PRPSAP1: variants seen among roughly 807,000 people sequenced by gnomAD.
The protein encoded by PRPSAP1 is phosphoribosyl pyrophosphate synthase-associated protein 1.
PRPSAP1 carries 31 observed loss-of-function variants against 39.4 expected under a neutral mutation model. The ratio of observed to expected loss-of-function variants is 0.79; its 90% CI spans 0.59 to 1.06. PRPSAP1 has a LOEUF of 1.06. Ranked by LOEUF, PRPSAP1 falls within the 50% of genes least tolerant of loss-of-function variation. PRPSAP1 has a pLI of 0.00. For synonymous variants in PRPSAP1, 212 were observed against 192.6 expected, an observed-to-expected ratio of 1.10 and a Z score of -0.83; for missense variants, 430 against 511.6, an observed-to-expected ratio of 0.84 and a Z score of 1.54.
rs143666660 is a variant in PRPSAP1 at position 76,325,535 on chromosome 17, C to T, written c.781+3182G>A. Among the ~76,000 whole-genome samples the T allele has an allele frequency of 2.3e-3, 344 of 150,790 alleles. 4 individuals carry two copies. The highest frequency in any genetic ancestry group is 6.8e-3 in the Admixed American group (102 of 15,016). On this transcript the variant is annotated intron_variant, in intron 7 of 9. Coordinates refer to ENST00000446526, the MANE Select transcript of PRPSAP1 (RefSeq NM_002766.3). ...TTCAACAACCACCACCCTGATCAGT[C>T]AGCAGCCATCAACATCGAGGCAAGA...
In PRPSAP1 at chr17:76,347,484, CAAAAAAAAAAA is replaced by C. The variant is rs71161289; in HGVS notation, c.223+1034_223+1044del. Reference sequence around the variant, plus strand: ...CCTGGGTGACAGAGCAAGACTCCGTCAAAAAAAAAAAAAAAAAAAAAAAAAAAAGAAAGCAG... The same window carrying C: ...CCTGGGTGACAGAGCAAGACTCCGTCAAAAAAAAAAAAAAAAAGAAAGCAG... On this transcript the variant is annotated intron_variant, in intron 2 of 9. Coordinates refer to ENST00000446526, the MANE Select transcript of PRPSAP1 (RefSeq NM_002766.3). Among the ~76,000 whole-genome samples, 13 of 25,222 alleles carry C rather than the reference CAAAAAAAAAAA, an allele frequency of 5.2e-4. No homozygotes were observed. In the South Asian group the frequency reaches 6.9e-3, roughly 13 times the overall value. The allele number at this position is 25,222 out of a possible 152,430, so 16.5% of individuals were successfully genotyped here.
At chr17:76,323,007 T>C (rs2143476814) in intron 7 of PRPSAP1, among the ~76,000 whole-genome samples, 1 of 151,640 alleles carries the variant, frequency 6.6e-6, no homozygotes, top group East Asian at 1.9e-4. Context: ...TACTCCAGCC[T>C]GGACAGCAGA....
intron 4 of PRPSAP1, among the ~76,000 whole-genome samples, chr17:76,331,763 T>C (rs2071324313): frequency 6.6e-6 from 1 of 152,114 alleles, no homozygotes; most frequent in East Asian, 1.9e-4. Flanking sequence ...AGAAACCCAA[T>C]TGTAAAATAT....
rs569043215 is a variant in PRPSAP1, at chr17:76,352,089, G to GA, written c.170+1444dup. ...ATTAAAAAAAAAAACAAGCAGAGCT[G>GA]AAAAAAAAATGACTAAAGTTTTCCC... On this transcript the variant is annotated intron_variant, in intron 1 of 9. Transcript: ENST00000446526. Among the ~76,000 whole-genome samples, 260 of 148,484 alleles carry GA rather than the reference G, an allele frequency of 1.8e-3. 1 individual carries two copies. The highest frequency in any genetic ancestry group is 5.7e-3 in the African/African-American group (229 of 40,484).
Position 76,311,680 on chromosome 17 carries a change from G to GAC in PRPSAP1, c.1018_1019dup (p.Pro341SerfsTer13). 3.7e-6 allele frequency: 6 copies of GAC among 1,613,892 alleles called. No individual in the cohort carries two copies. Among genetic ancestry groups the GAC allele is most frequent in the Non-Finnish European group, 5.1e-6 (6 of 1,179,958 alleles). On this transcript the variant is annotated frameshift_variant, in exon 10 of 10. Transcript: ENST00000446526. LOFTEE classifies it high-confidence loss of function. ...ATTGCAGCTTCTGAACCTCATGAGG[G>GAC]ACAGTATTCGTCACCACCACCTAGT... is the stretch of plus-strand genomic sequence containing the variant.
intron 1 of PRPSAP1, among the ~76,000 whole-genome samples, chr17:76,351,527 A>G (rs1831929272): frequency 1.3e-5 from 2 of 151,686 alleles, no homozygotes; most frequent in Admixed American, 6.6e-5. Flanking sequence ...CAAAAAACAA[A>G]AAACAAAAAA....
chr17:76,353,777 C>T lies in PRPSAP1; in HGVS notation c.-74G>A. On this transcript the variant is annotated 5_prime_UTR_variant, in exon 1 of 10. Coordinates refer to ENST00000446526, the MANE Select transcript of PRPSAP1 (RefSeq NM_002766.3). ...CTGAGTGCTTCCGACTGCGAGACCC[C>T]GGTTTGGGTGGGGAAGGCGCTGAGA... 7.2e-7 allele frequency: 1 copy of T among 1,393,668 alleles called. No homozygotes were observed. Among genetic ancestry groups the T allele is most frequent in the Admixed American group, 3.4e-5 (1 of 29,430 alleles). 86.3% of individuals were successfully genotyped at this position (1,393,668 alleles called of 1,614,324 possible). A position where few individuals can be genotyped will look rare whatever the true frequency, so the allele number is the denominator to read the frequency against.
Position 76,329,906 on chromosome 17 carries a change from T to C in PRPSAP1, c.635+137A>G, listed in dbSNP as rs540514405. ...ATAAAGCTGTGTGTGGCATGGGACA[T>C]GACAACGATGGAGGGGTTAACATGA... On this transcript the variant is annotated intron_variant, in intron 6 of 9. Coordinates refer to ENST00000446526, the MANE Select transcript of PRPSAP1 (RefSeq NM_002766.3). 3.5e-5 allele frequency: 26 copies of C among 733,438 alleles called. No individual in the cohort carries two copies. The African/African-American group carries it at 4.0e-4, about 11-fold the overall frequency. 45.4% of individuals were successfully genotyped at this position (733,438 alleles called of 1,614,324 possible).
chr17:76,311,723 C>T (rs773455558), intron 9 of PRPSAP1, 23 bp from the exon 10 acceptor site: 1 of 1,606,286 alleles, frequency 6.2e-7, no homozygotes, highest in South Asian at 1.1e-5. Flanking sequence ...TGATGGAAAA[C>T]AAACGCTGTT....
In PRPSAP1 at chr17:76,331,478, C is replaced by G. The variant is rs2071321767; in HGVS notation, c.463+785G>C. 2.0e-5 allele frequency among the ~76,000 whole-genome samples: 3 copies of G among 152,258 alleles called. No homozygotes were observed. In the South Asian group the frequency reaches 6.2e-4, roughly 32 times the overall value. On this transcript the variant is annotated intron_variant, in intron 4 of 9. Coordinates refer to ENST00000446526, the MANE Select transcript of PRPSAP1 (RefSeq NM_002766.3). The stretch of plus-strand genomic sequence containing the variant: ...GAAACTTTTTTCTCATCATTATTCC[C>G]TAAACAAGACAGCATAACAACAATT...
chr17:76,346,528 C>T (rs2071502654), intron 2 of PRPSAP1, among the ~76,000 whole-genome samples: 1 of 152,202 alleles, frequency 6.6e-6, no homozygotes, highest in South Asian at 2.1e-4. Context: ...ACCAGTGTGG[C>T]AGGCAATCTG....
chr17:76,347,848 G>A (rs1461006317), intron 2 of PRPSAP1, among the ~76,000 whole-genome samples: 1 of 152,106 alleles, frequency 6.6e-6, no homozygotes, highest in Non-Finnish European at 1.5e-5. Flanking sequence ...TCAGATATAA[G>A]ATGTATTCCA....
rs539129409 is a variant in PRPSAP1, at chr17:76,330,336, A to T, written c.579+215T>A. 4 of 601,466 alleles carry T rather than the reference A, an allele frequency of 6.7e-6. 1 individual carries two copies. In the South Asian group the frequency reaches 9.0e-5, roughly 13 times the overall value. The allele number at this position is 601,466 out of a possible 1,614,324, so 37.3% of individuals were successfully genotyped here. A position where few individuals can be genotyped will look rare whatever the true frequency, so the allele number is the denominator to read the frequency against. Reference sequence around the variant, plus strand: ...AACATTCATTTTAGAAAACATAAGCAAATTGCTAAAGATACGTAGAAAAAA... The same window carrying T: ...AACATTCATTTTAGAAAACATAAGCTAATTGCTAAAGATACGTAGAAAAAA... On this transcript the variant is annotated intron_variant, in intron 5 of 9. Transcript: ENST00000446526.
intron 7 of PRPSAP1, among the ~76,000 whole-genome samples, chr17:76,317,340 A>G (rs544888739): frequency 6.6e-6 from 1 of 151,232 alleles, no homozygotes; most frequent in South Asian, 2.1e-4. Flanking sequence ...ACAGAGCAAG[A>G]CTGTCTCAAA....
intron 2 of PRPSAP1, among the ~76,000 whole-genome samples, chr17:76,345,237 T>TAAAAAAAAAAAAAAAAAAAA (rs59693380): frequency 5.1e-4 from 32 of 62,196 alleles, no homozygotes; most frequent in African/African-American, 1.7e-3. Context: ...TCCGTCTCAT[T>TAAAAAAAAAAAAAAAAAAAA]AAAAAAAAAA....
At chr17:76,334,972 C>T (rs1287338765) in intron 3 of PRPSAP1, among the ~76,000 whole-genome samples, 2 of 152,302 alleles carry the variant, frequency 1.3e-5, no homozygotes, top group East Asian at 3.9e-4. Context: ...GTAAACAAGG[C>T]AAACCACCTC....
intron 3 of PRPSAP1, among the ~76,000 whole-genome samples, chr17:76,339,349 G>A (rs1156715406): frequency 1.3e-5 from 2 of 151,350 alleles, no homozygotes; most frequent in East Asian, 3.9e-4. Context: ...AGGTTGCAGT[G>A]AGCCGAGATC....
chr17:76,327,066 G>A (rs1251446486), intron 7 of PRPSAP1, among the ~76,000 whole-genome samples: 1 of 152,144 alleles, frequency 6.6e-6, no homozygotes, highest in Non-Finnish European at 1.5e-5. Flanking sequence ...TGCAGATTAC[G>A]GCTTGGCACG....
rs1309927021 is a variant in PRPSAP1 at position 76,328,840 on chromosome 17, G to A, written c.658C>T (p.Leu220=). ...TGAATGACGGCCAAACCCAGACGCA[G>A]TCTCTCCGCATAGGACTGGGCCCTA... is the stretch of plus-strand genomic sequence containing the variant. ...AKRAQSYAER[L]RLGLAVIHGE... The change falls in exon 7 of 10, where the codon CTG becomes TTG. Residue 220 remains leucine, a synonymous_variant. Transcript: ENST00000446526. 6.2e-7 allele frequency: 1 copy of A among 1,614,038 alleles called. No individual in the cohort carries two copies. The highest frequency in any genetic ancestry group is 8.5e-7 in the Non-Finnish European group (1 of 1,179,960).
Sources: gnomAD v4.1 joint callset for allele counts (sites outside exome capture counted in the v4.1 genomes callset) on GRCh38, gnomAD v4.1.1 for gene constraint, MANE v1.5 for transcripts, NCBI Gene and HGNC (gene_info 2026-07-23, HGNC 2026-07-21) for gene names.